Variants in AGK observed in about 807,000 individuals in gnomAD.
The protein encoded by AGK is acylglycerol kinase.
AGK carries 52 observed loss-of-function variants against 66.4 expected under a neutral mutation model. The observed-to-expected ratio is 0.78, with a 90% CI of 0.63 to 0.99. The LOEUF (loss-of-function observed/expected upper bound fraction) is 0.99. AGK is among the 50% of genes least tolerant of loss of function. The pLI, the probability that AGK is intolerant of heterozygous loss-of-function variation, is 0.00. For missense variants in AGK, 451 were observed against 506.6 expected, an observed-to-expected ratio of 0.89 and a Z score of 1.05; for synonymous variants, 182 against 181.1, an observed-to-expected ratio of 1.00 and a Z score of -0.04.
chr7:141,552,682 G>T (rs565210352), intron 1 of AGK, among the ~76,000 whole-genome samples: 19 of 152,302 alleles, frequency 1.2e-4, no homozygotes, highest in Admixed American at 5.2e-4. Context: ...AAGTCACTTT[G>T]TGTCTTCCCA....
At chr7:141,576,012 C>T (rs1795731032) in intron 2 of AGK, among the ~76,000 whole-genome samples, 1 of 152,118 alleles carries the variant, frequency 6.6e-6, no homozygotes, top group Non-Finnish European at 1.5e-5. Flanking sequence ...AACTTGACTT[C>T]CTCCCTTCTT....
intron 2 of AGK, among the ~76,000 whole-genome samples, chr7:141,574,955 T>G (rs1795701724): frequency 6.6e-6 from 1 of 152,184 alleles, no homozygotes; most frequent in African/African-American, 2.4e-5. Context: ...TTATTTTAGG[T>G]GAGGCCTTCC....
At chr7:141,572,863 C>T (rs1795637414) in intron 2 of AGK, among the ~76,000 whole-genome samples, 1 of 152,110 alleles carries the variant, frequency 6.6e-6, no homozygotes, top group Non-Finnish European at 1.5e-5. Flanking sequence ...CTTGACTAGA[C>T]TCATAGATTT....
intron 2 of AGK, among the ~76,000 whole-genome samples, chr7:141,592,616 A>G (rs966011809): frequency 6.6e-6 from 1 of 152,212 alleles, no homozygotes; most frequent in African/African-American, 2.4e-5. Context: ...TCTGGTTACC[A>G]TAATATGGAA....
intron 11 of AGK, among the ~76,000 whole-genome samples, chr7:141,640,154 C>T (rs1024861044): frequency 2.5e-4 from 38 of 152,104 alleles, no homozygotes; most frequent in Admixed American, 8.5e-4. Flanking sequence ...AAGATCAAAA[C>T]GTCATCTTTA....
chr7:141,568,809 C>T (rs1024771066), intron 2 of AGK, among the ~76,000 whole-genome samples: 1 of 152,092 alleles, frequency 6.6e-6, no homozygotes, highest in African/African-American at 2.4e-5. Context: ...CTCCTAACCT[C>T]AAGTGATCCA....
intron 2 of AGK, among the ~76,000 whole-genome samples, chr7:141,577,809 A>G (rs1418699924): frequency 2.7e-5 from 4 of 148,738 alleles, no homozygotes; most frequent in Non-Finnish European, 5.9e-5. Flanking sequence ...ATGCCCCAAC[A>G]TAAATCTTCT....
At chr7:141,583,944 C>G (rs1261786991) in intron 2 of AGK, among the ~76,000 whole-genome samples, 3 of 151,840 alleles carry the variant, frequency 2.0e-5, no homozygotes, top group Non-Finnish European at 4.4e-5. Flanking sequence ...GGTCTGAGGA[C>G]CTGAGGTTGT....
rs375942786 is a variant in AGK at position 141,626,287 on chromosome 7, C to T, written c.588+4486C>T. Among the ~76,000 whole-genome samples the T allele has an allele frequency of 4.9e-4, 75 of 152,252 alleles. No homozygotes were observed. In the South Asian group the frequency reaches 0.015, roughly 31 times the overall value. ...TAAAAATGAAGAATCCATGAGTTTC[C>T]AGTGATATTTCAGGATTGCCAGCTT... On this transcript the variant is annotated intron_variant, in intron 9 of 15. Coordinates refer to ENST00000649286, the MANE Select transcript of AGK (RefSeq NM_018238.4).
At chr7:141,644,182 T>C (rs1797353092) in intron 13 of AGK, among the ~76,000 whole-genome samples, 3 of 152,222 alleles carry the variant, frequency 2.0e-5, no homozygotes, top group Non-Finnish European at 4.4e-5. Context: ...ACCAAGTCTT[T>C]AATAATATGT....
intron 2 of AGK, among the ~76,000 whole-genome samples, chr7:141,563,170 C>T (rs1046216617): frequency 6.6e-6 from 1 of 152,180 alleles, no homozygotes; most frequent in Non-Finnish European, 1.5e-5. Flanking sequence ...TGTGGTGGTT[C>T]TTGGAACAAA....
chr7:141,654,851 T>C lies in AGK; in HGVS notation c.*1927T>C, dbSNP rs1387279754. 2 of 152,228 alleles carry C rather than the reference T, an allele frequency of 1.3e-5. No homozygotes were observed. The highest frequency in any genetic ancestry group is 3.8e-4 in the East Asian group (2 of 5,200). The allele number at this position is 152,228 out of a possible 1,614,324, so 9.4% of individuals were successfully genotyped here. ...TTACAGAACAGCTATGAAAAGTCCATGAATGAAGATCACAAAAAGGAAGGC... is the reference window on the plus strand; with the variant it reads ...TTACAGAACAGCTATGAAAAGTCCACGAATGAAGATCACAAAAAGGAAGGC... On this transcript the variant is annotated 3_prime_UTR_variant, in exon 16 of 16. Transcript: ENST00000649286.
At position 141,555,608 on chromosome 7, in the gene AGK, C is replaced by G. The variant is rs771287186; in HGVS notation, c.101+41C>G. ...CCCCATCCCACCTTTGCATCTGCAG[C>G]AAAACAGCCCCAAAGGGCCTCAGGT... is the stretch of plus-strand genomic sequence containing the variant. On this transcript the variant is annotated intron_variant, in intron 2 of 15. Transcript: ENST00000649286. This position sits in a 1 kb window ranked among gnomAD's most constrained non-coding sequence, Gnocchi z 4.2. 5 of 1,459,674 alleles carry G rather than the reference C, an allele frequency of 3.4e-6. No individual in the cohort carries two copies. In the South Asian group the frequency reaches 5.8e-5, roughly 17 times the overall value. 90.4% of individuals were successfully genotyped at this position (1,459,674 alleles called of 1,614,324 possible). A position where few individuals can be genotyped will look rare whatever the true frequency, so the allele number is the denominator to read the frequency against.
intron 5 of AGK, among the ~76,000 whole-genome samples, chr7:141,602,034 A>G (rs1796356256): frequency 7.4e-6 from 1 of 134,590 alleles, no homozygotes; most frequent in Non-Finnish European, 1.5e-5. Flanking sequence ...GAAAACTAAC[A>G]TATTTGAGTA....
At chr7:141,586,127 T>C (rs976640504) in intron 2 of AGK, among the ~76,000 whole-genome samples, 1 of 152,182 alleles carries the variant, frequency 6.6e-6, no homozygotes, top group African/African-American at 2.4e-5. Context: ...GGGCCACTTC[T>C]TGTGGTGCTT....
At chr7:141,557,756 A>G (rs1328435225) in intron 2 of AGK, among the ~76,000 whole-genome samples, 2 of 152,144 alleles carry the variant, frequency 1.3e-5, no homozygotes, top group Non-Finnish European at 2.9e-5. Flanking sequence ...TACTGCCCCA[A>G]ATGCAAACTC....
chr7:141,650,587 AT>A, intron 14 of AGK: 10 of 985,426 alleles, frequency 1.0e-5, no homozygotes, highest in Non-Finnish European at 1.2e-5. Flanking sequence ...TAAATGATAA[AT>A]GGACTGATTT....
rs1299830688 is a variant in AGK at position 141,598,137 on chromosome 7, GAC to G, written c.221+1500_221+1501del. Among the ~76,000 whole-genome samples, 1 of 152,074 alleles carries G rather than the reference GAC, an allele frequency of 6.6e-6. No homozygotes were observed. The highest frequency in any genetic ancestry group is 1.5e-5 in the Non-Finnish European group (1 of 68,026). On this transcript the variant is annotated intron_variant, in intron 4 of 15. Coordinates refer to ENST00000649286, the MANE Select transcript of AGK (RefSeq NM_018238.4). The surrounding 1 kb of genome is among the most constrained non-coding windows in gnomAD (Gnocchi z 4.2). Reference sequence around the variant, plus strand: ...GTGAGTGTGACTTCACAGACAGGAGGACACATCCTGCTTTATTTCTTTGTAAT... The same window carrying G: ...GTGAGTGTGACTTCACAGACAGGAGGACATCCTGCTTTATTTCTTTGTAAT...
At chr7:141,650,657 AGT>A (rs1447675824) in intron 14 of AGK, 61 of 985,290 alleles carry the variant, frequency 6.2e-5, no homozygotes, top group Non-Finnish European at 7.1e-5. Flanking sequence ...CATGAGGTGG[AGT>A]GTGTGTCTGT....
Sources: gnomAD v4.1 joint callset for allele counts (sites outside exome capture counted in the v4.1 genomes callset) on GRCh38, gnomAD v4.1.1 for gene constraint, Gnocchi (gnomAD v3.1) non-coding constraint, MANE v1.5 for transcripts, NCBI Gene and HGNC (gene_info 2026-07-23, HGNC 2026-07-21) for gene names.